The following NT5C3A variants were observed in gnomAD, a reference collection of about 807,000 sequenced individuals.
The protein encoded by NT5C3A is cytosolic 5'-nucleotidase 3A.
Under a neutral mutation model 40.0 loss-of-function variants are expected in NT5C3A, and 23 were observed. That is an observed-to-expected ratio of 0.58 (90% CI 0.41 to 0.81). The LOEUF is 0.81. Among genes scored for constraint, NT5C3A ranks in the 40% least tolerant of loss-of-function variants. NT5C3A has a pLI of 0.00. For synonymous variants in NT5C3A, 130 were observed against 141.4 expected, an observed-to-expected ratio of 0.92 and a Z score of 0.57; for missense variants, 328 against 403.0, an observed-to-expected ratio of 0.81 and a Z score of 1.59.
rs530371230 is a variant in NT5C3A, at chr7:33,034,911, ATT to A, written c.139-7998_139-7997del. 1.1e-4 allele frequency among the ~76,000 whole-genome samples: 17 copies of A among 152,332 alleles called. No individual in the cohort carries two copies. The East Asian group carries it at 3.3e-3, about 29-fold the overall frequency. ...GTTGTTCTCTTTAAAAGAAAGGATT[ATT>A]TTTAATTGTTGTTTTTAAGATTTTA... On this transcript the variant is annotated intron_variant, in intron 1 of 8. Transcript: ENST00000610140.
chr7:33,046,655 A>G (rs888709086), intron 1 of NT5C3A, among the ~76,000 whole-genome samples: 1 of 152,238 alleles, frequency 6.6e-6, no homozygotes, highest in African/African-American at 2.4e-5. Context: ...ATTCTGTTTT[A>G]AACTTTTAGC....
At chr7:33,017,334 C>T (rs1174231102) in intron 7 of NT5C3A, 105 bp downstream of exon 7, 2 of 884,560 alleles carry the variant, frequency 2.3e-6, no homozygotes, top group African/African-American at 3.4e-5. Flanking sequence ...ATCGGCTTGG[C>T]CTAATTTCTG....
chr7:33,032,506 G>A (rs1184188093), intron 1 of NT5C3A, among the ~76,000 whole-genome samples: 1 of 151,480 alleles, frequency 6.6e-6, no homozygotes, highest in Non-Finnish European at 1.5e-5. Context: ...ACCCAGGCTG[G>A]AGGGCAGTGG....
intron 1 of NT5C3A, among the ~76,000 whole-genome samples, chr7:33,059,433 A>AT (rs1487917081): frequency 9.2e-5 from 14 of 152,088 alleles, no homozygotes; most frequent in Non-Finnish European, 2.1e-4. Flanking sequence ...CAAACCTGCC[A>AT]TTTTTTCCTT....
intron 6 of NT5C3A, 59 bp from the exon 7 acceptor site, chr7:33,017,660 T>A: frequency 1.5e-6 from 2 of 1,369,868 alleles, no homozygotes; most frequent in Non-Finnish European, 1.0e-6. Context: ...CCTTTTTACT[T>A]AGAAGCTAAA....
chr7:33,028,822 G>A (rs1346653257), intron 1 of NT5C3A, among the ~76,000 whole-genome samples: 2 of 152,020 alleles, frequency 1.3e-5, no homozygotes, highest in Non-Finnish European at 2.9e-5. Context: ...TCAGGAGGTC[G>A]AGGTGGGCAG....
rs10260952 is a variant in NT5C3A at position 33,015,409 on chromosome 7, A to T, written c.894+261T>A. ...GAGAATTCATCTCTAAAAAAAATTT[A>T]AAAATCAGCCAGGTGTAGTGGTGTG... is the stretch of plus-strand genomic sequence containing the variant. On this transcript the variant is annotated intron_variant, in intron 8 of 8. Coordinates refer to ENST00000610140, the MANE Select transcript of NT5C3A (RefSeq NM_001002010.5). 2.7e-3 allele frequency among the ~76,000 whole-genome samples: 408 copies of T among 152,248 alleles called. 3 individuals carry two copies. Among genetic ancestry groups the T allele is most frequent in the African/African-American group, 9.4e-3 (392 of 41,540 alleles).
At chr7:33,035,580 G>C (rs1786553925) in intron 1 of NT5C3A, among the ~76,000 whole-genome samples, 1 of 152,036 alleles carries the variant, frequency 6.6e-6, no homozygotes, top group South Asian at 2.1e-4. Context: ...ATGCAAGTAA[G>C]TATTTTAAAA....
rs753097309 is a variant in NT5C3A, at chr7:33,062,663, C to A, written c.43G>T (p.Ala15Ser). ...CCCGCCACCAGGGCGCACACGCTGG[C>A]GCTCGCTACCGCGCCCACCCTCGCC... ...AVARVGAVAS[A>S]SVCALVAGVV... The change falls in exon 1 of 9, where the codon GCC (alanine) becomes TCC (serine). Residue 15 changes from alanine (A) to serine (S), a missense_variant. Around this residue, in one of 3 missense-constraint regions of NT5C3A, gnomAD observed 280 missense variants for 317.2 expected, o/e 0.88. Coordinates refer to ENST00000610140, the MANE Select transcript of NT5C3A (RefSeq NM_001002010.5). The A allele has an allele frequency of 9.3e-5, 147 of 1,584,466 alleles. No homozygotes were observed. The highest frequency in any genetic ancestry group is 1.2e-4 in the Non-Finnish European group (139 of 1,166,558).
intron 1 of NT5C3A, among the ~76,000 whole-genome samples, chr7:33,058,342 T>A (rs1008246122): frequency 1.4e-5 from 1 of 73,728 alleles, no homozygotes; most frequent in Non-Finnish European, 3.3e-5. Flanking sequence ...TTATTATTTT[T>A]TTATTTTATT....
In NT5C3A at chr7:33,056,473, C is replaced by CAAAAAAAAAAAAAAA. The variant is rs70989927; in HGVS notation, c.138+6080_138+6094dup. On this transcript the variant is annotated intron_variant, in intron 1 of 8. Coordinates refer to ENST00000610140, the MANE Select transcript of NT5C3A (RefSeq NM_001002010.5). ...GCAAATAGTGAGACCCCGTCTCTAC[C>CAAAAAAAAAAAAAAA]AAAAAAAAAAAAAAAAAAAAAAAAA... Among the ~76,000 whole-genome samples the CAAAAAAAAAAAAAAA allele has an allele frequency of 6.9e-5, 3 of 43,720 alleles. 1 individual carries two copies. The highest frequency in any genetic ancestry group is 1.2e-4 in the Non-Finnish European group (3 of 24,628). The allele number at this position is 43,720 out of a possible 152,430, so 28.7% of individuals were successfully genotyped here. A position where few individuals can be genotyped will look rare whatever the true frequency, so the allele number is the denominator to read the frequency against.
chr7:33,017,128 T>A, intron 7 of NT5C3A: 1 of 314,818 alleles, frequency 3.2e-6, no homozygotes, highest in Non-Finnish European at 5.8e-6. Context: ...GGTTACAATG[T>A]GCTGAGATTG....
chr7:33,050,936 C>T (rs1377413336), intron 1 of NT5C3A, among the ~76,000 whole-genome samples: 1 of 151,960 alleles, frequency 6.6e-6, no homozygotes, highest in Non-Finnish European at 1.5e-5. Context: ...GATGGAAAAA[C>T]TGAATTGTAT....
At chr7:33,041,060 C>A (rs1786890206) in intron 1 of NT5C3A, 1 of 985,268 alleles carries the variant, frequency 1.0e-6, no homozygotes, top group Non-Finnish European at 1.2e-6. Flanking sequence ...TAGCTCTGAG[C>A]TAGTCACAAG....
chr7:33,019,861 C>T, intron 5 of NT5C3A, 137 bp from the exon 6 acceptor site: 1 of 661,324 alleles, frequency 1.5e-6, no homozygotes, highest in Non-Finnish European at 2.7e-6. Context: ...TGAAGTTCAT[C>T]ACTAATGAAT....
At chr7:33,015,057 C>A (rs1356400874) in intron 8 of NT5C3A, among the ~76,000 whole-genome samples, 6 of 152,138 alleles carry the variant, frequency 3.9e-5, no homozygotes, top group Admixed American at 3.9e-4. Flanking sequence ...AGTCCAGTGG[C>A]TTTCAAATGG....
chr7:33,059,068 T>C (rs1432985040), intron 1 of NT5C3A, among the ~76,000 whole-genome samples: 1 of 152,218 alleles, frequency 6.6e-6, no homozygotes, highest in East Asian at 1.9e-4. Context: ...TTTCAGCATC[T>C]TTACTGAACT....
At chr7:33,041,232 T>C (rs1786898566) in intron 1 of NT5C3A, 2 of 611,070 alleles carry the variant, frequency 3.3e-6, no homozygotes, top group African/African-American at 4.0e-5. Flanking sequence ...TTTGTCAGTG[T>C]ACTTCTGATA....
At chr7:33,047,825 A>T (rs1787216395) in intron 1 of NT5C3A, among the ~76,000 whole-genome samples, 1 of 152,132 alleles carries the variant, frequency 6.6e-6, no homozygotes, top group African/African-American at 2.4e-5. Flanking sequence ...AAATAGATAA[A>T]TTATTTATTT....
Sources: gnomAD v4.1 joint callset for allele counts (sites outside exome capture counted in the v4.1 genomes callset) on GRCh38, gnomAD v4.1.1 for gene constraint, gnomAD v4.1.1 regional missense constraint, MANE v1.5 for transcripts, NCBI Gene and HGNC (gene_info 2026-07-23, HGNC 2026-07-21) for gene names.